The following RNGTT variants were observed in gnomAD, a reference collection of about 807,000 sequenced individuals.
The protein encoded by RNGTT is mRNA-capping enzyme.
RNGTT carries 33 observed loss-of-function variants against 79.3 expected under a neutral mutation model. The observed-to-expected ratio is 0.42, with a 90% CI of 0.32 to 0.56. The LOEUF (loss-of-function observed/expected upper bound fraction) is 0.56. Among genes scored for constraint, RNGTT ranks in the 20% least tolerant of loss-of-function variants. The pLI is 0.17. For missense variants in RNGTT, 497 were observed against 739.1 expected (o/e 0.67, Z 3.80); for synonymous variants, 222 against 235.9 (o/e 0.94, Z 0.54).
intron 13 of RNGTT, among the ~76,000 whole-genome samples, chr6:88,755,879 G>T (rs1777995206): frequency 7.0e-6 from 1 of 142,966 alleles, no homozygotes; most frequent in Admixed American, 7.5e-5. Flanking sequence ...AGAACTGCTT[G>T]AACCTGGGAG....
intron 11 of RNGTT, among the ~76,000 whole-genome samples, chr6:88,809,408 T>C (rs1780063142): frequency 6.6e-6 from 1 of 152,104 alleles, no homozygotes; most frequent in Admixed American, 6.5e-5. Context: ...AGTGAGGATA[T>C]GGAAGCGTAG....
intron 6 of RNGTT, among the ~76,000 whole-genome samples, chr6:88,897,904 G>C (rs979939619): frequency 2.0e-5 from 3 of 152,226 alleles, no homozygotes; most frequent in Admixed American, 1.3e-4. Context: ...GAGCTTCCAT[G>C]GACAGAAACA....
intron 14 of RNGTT, among the ~76,000 whole-genome samples, chr6:88,666,925 TG>T (rs1455691188): frequency 6.6e-6 from 1 of 152,114 alleles, no homozygotes; most frequent in Admixed American, 6.5e-5. Flanking sequence ...TCCAAGTGCA[TG>T]GGGCATTATA....
At chr6:88,953,888 A>C (rs1480691428) in intron 1 of RNGTT, among the ~76,000 whole-genome samples, 1 of 152,212 alleles carries the variant, frequency 6.6e-6, no homozygotes, top group East Asian at 1.9e-4. Context: ...TCATAAATGA[A>C]GGAGAGATAG....
intron 14 of RNGTT, among the ~76,000 whole-genome samples, chr6:88,621,992 A>G (rs538543214): frequency 4.9e-4 from 75 of 152,192 alleles, no homozygotes; most frequent in African/African-American, 1.7e-3. Context: ...AGTAACTTTA[A>G]ATGACCAATC....
At chr6:88,830,623 T>G (rs2127888352) in intron 11 of RNGTT, among the ~76,000 whole-genome samples, 1 of 151,232 alleles carries the variant, frequency 6.6e-6, no homozygotes, top group African/African-American at 2.4e-5. Flanking sequence ...AAAAAACCCT[T>G]CAAAAAAAGT....
intron 12 of RNGTT, among the ~76,000 whole-genome samples, chr6:88,782,230 A>G (rs1265428731): frequency 2.0e-5 from 3 of 152,092 alleles, no homozygotes; most frequent in South Asian, 2.1e-4. Flanking sequence ...AGGTAGTTCA[A>G]TCTAACATAG....
intron 11 of RNGTT, among the ~76,000 whole-genome samples, chr6:88,814,614 T>A (rs1780257442): frequency 6.6e-6 from 1 of 152,176 alleles, no homozygotes; most frequent in Non-Finnish European, 1.5e-5. Flanking sequence ...TAAGTGAGTA[T>A]TTGTTTTGTG....
intron 8 of RNGTT, among the ~76,000 whole-genome samples, chr6:88,879,473 A>T (rs1320224318): frequency 6.6e-6 from 1 of 152,204 alleles, no homozygotes; most frequent in Non-Finnish European, 1.5e-5. Context: ...TCCACACAAC[A>T]ACTATTTCTA....
chr6:88,919,357 C>A (rs1784093102), intron 4 of RNGTT, among the ~76,000 whole-genome samples: 1 of 152,120 alleles, frequency 6.6e-6, no homozygotes, highest in African/African-American at 2.4e-5. Context: ...ATGGCATTTA[C>A]AATCAAACTA....
chr6:88,904,631 T>A (rs1783587978), intron 6 of RNGTT, 84 bp downstream of exon 6: 3 of 1,412,990 alleles, frequency 2.1e-6, no homozygotes, highest in Non-Finnish European at 2.9e-6. Context: ...TAAAGAAACA[T>A]GGCCAATATT....
At position 88,661,746 on chromosome 6, in the gene RNGTT, A is replaced by AAAG. The variant is rs567548943; in HGVS notation, c.1506+16604_1506+16606dup. On this transcript the variant is annotated intron_variant, in intron 14 of 15. Transcript: ENST00000369485. ...CACAGCTAAATTCTATCACATATTC[A>AAAG]AAGAGTTGGTACCAATCCTACTGAA... Among the ~76,000 whole-genome samples, 290 of 152,336 alleles carry AAAG rather than the reference A, an allele frequency of 1.9e-3. 4 individuals are homozygous for AAAG. Among genetic ancestry groups the AAAG allele is most frequent in the African/African-American group, 6.8e-3 (284 of 41,592 alleles).
chr6:88,840,644 G>A (rs1301716960), intron 11 of RNGTT, among the ~76,000 whole-genome samples: 2 of 152,150 alleles, frequency 1.3e-5, no homozygotes. Context: ...AGCGATCCAA[G>A]TGCCTTGGCC....
At chr6:88,731,840 C>T (rs148655763) in intron 13 of RNGTT, among the ~76,000 whole-genome samples, 2 of 152,192 alleles carry the variant, frequency 1.3e-5, no homozygotes, top group African/African-American at 4.8e-5. Flanking sequence ...TGCTGTTGAC[C>T]AGAAGCCTTA....
intron 1 of RNGTT, among the ~76,000 whole-genome samples, chr6:88,952,618 C>G (rs896665859): frequency 1.3e-5 from 2 of 152,204 alleles, no homozygotes; most frequent in African/African-American, 4.8e-5. Context: ...GGTCCTGAGT[C>G]TGTTCACATG....
chr6:88,900,678 G>A (rs1207472763), intron 6 of RNGTT, among the ~76,000 whole-genome samples: 6 of 151,304 alleles, frequency 4.0e-5, no homozygotes, highest in Non-Finnish European at 8.8e-5. Flanking sequence ...AGGTTGCAAT[G>A]AGCTGAGATT....
chr6:88,826,422 C>T (rs1328626873), intron 11 of RNGTT, among the ~76,000 whole-genome samples: 1 of 152,064 alleles, frequency 6.6e-6, no homozygotes, highest in East Asian at 1.9e-4. Context: ...AATTTTATTG[C>T]AATAATTCAA....
intron 8 of RNGTT, among the ~76,000 whole-genome samples, chr6:88,857,008 C>T (rs1464587972): frequency 3.3e-5 from 5 of 151,956 alleles, no homozygotes; most frequent in South Asian, 2.1e-4. Context: ...ATTCAGTATA[C>T]GTTTCCCAGA....
chr6:88,663,536 C>A (rs569543601), intron 14 of RNGTT, among the ~76,000 whole-genome samples: 3 of 152,262 alleles, frequency 2.0e-5, no homozygotes, highest in Admixed American at 2.0e-4. Flanking sequence ...TCTTGCTCCA[C>A]CCGCCGAGGG....
Sources: gnomAD v4.1 joint callset for allele counts (sites outside exome capture counted in the v4.1 genomes callset) on GRCh38, gnomAD v4.1.1 for gene constraint, MANE v1.5 for transcripts, NCBI Gene and HGNC (gene_info 2026-07-23, HGNC 2026-07-21) for gene names.